Variants in HDAC8 observed in about 807,000 individuals in gnomAD.
The protein encoded by HDAC8 is histone deacetylase-like 1.
A neutral mutation model predicts 32.2 loss-of-function variants in HDAC8; 1 was observed. The ratio of observed to expected loss-of-function variants is 0.03; its 90% CI spans 0.01 to 0.15. The LOEUF (loss-of-function observed/expected upper bound fraction) is 0.15. Among genes scored for constraint, HDAC8 ranks in the 10% least tolerant of loss-of-function variants. The pLI is 1.00. For missense variants in HDAC8, 117 were observed against 300.0 expected (o/e 0.39, Z 4.51); for synonymous variants, 108 against 113.9 (o/e 0.95, Z 0.33).
chrX:72,375,869 G>A (rs897244130), intron 9 of HDAC8, among the ~76,000 whole-genome samples: 1 of 111,832 alleles, frequency 8.9e-6, no homozygotes, highest in Non-Finnish European at 1.9e-5. Context: ...CAGTAGAATT[G>A]ACTAGTGAAA....
Position 72,329,940 on chromosome X carries a change from A to C in HDAC8, c.*114T>G, listed in dbSNP as rs1339939462. On this transcript the variant is annotated 3_prime_UTR_variant, in exon 11 of 11. Transcript: ENST00000373573. ...GCCCCTTGGAAATTTTCAGGAAGTA[A>C]TTTCTTTCAAATTTTCCCTGCAGTC... 1.1e-6 allele frequency: 1 copy of C among 910,701 alleles called. No homozygotes were observed. The highest frequency in any genetic ancestry group is 1.6e-6 in the Non-Finnish European group (1 of 637,161). The allele number at this position is 910,701 out of a possible 1,213,427, so 75.1% of individuals were successfully genotyped here. A position where few individuals can be genotyped will look rare whatever the true frequency, so the allele number is the denominator to read the frequency against.
intron 9 of HDAC8, among the ~76,000 whole-genome samples, chrX:72,424,626 A>AAC (rs782636838): frequency 8.9e-6 from 1 of 111,945 alleles, no homozygotes; most frequent in Non-Finnish European, 1.9e-5. Flanking sequence ...GTATTTTCAT[A>AAC]ACACTGCACA....
intron 9 of HDAC8, among the ~76,000 whole-genome samples, chrX:72,356,838 C>T (rs1387421495): frequency 8.9e-6 from 1 of 111,827 alleles, no homozygotes; most frequent in East Asian, 2.8e-4. Context: ...CCTGCCTTGG[C>T]CTCCCAGAGT....
At chrX:72,334,489 C>A (rs2043623441) in intron 10 of HDAC8, among the ~76,000 whole-genome samples, 1 of 111,417 alleles carries the variant, frequency 9.0e-6, no homozygotes, top group Admixed American at 9.5e-5. Flanking sequence ...GAGGAAGGTA[C>A]CTGCTGGCAA....
chrX:72,401,400 A>T (rs1217725376), intron 9 of HDAC8, among the ~76,000 whole-genome samples: 1 of 110,990 alleles, frequency 9.0e-6, no homozygotes, highest in Admixed American at 9.5e-5. Flanking sequence ...ATGCCCAGCT[A>T]ATTTTTTTTG....
At chrX:72,487,138 T>C (rs2048701521) in intron 7 of HDAC8, among the ~76,000 whole-genome samples, 1 of 111,548 alleles carries the variant, frequency 9.0e-6, no homozygotes, top group African/African-American at 3.3e-5. Context: ...ATCAATCTAT[T>C]GGGATGTGGG....
At chrX:72,360,628 T>C (rs916253454) in intron 9 of HDAC8, among the ~76,000 whole-genome samples, 26 of 111,497 alleles carry the variant, frequency 2.3e-4, no homozygotes, top group African/African-American at 7.8e-4. Flanking sequence ...TGAAAAGAAC[T>C]CATCATGACC....
intron 4 of HDAC8, among the ~76,000 whole-genome samples, chrX:72,519,587 A>T (rs919826536): frequency 3.6e-5 from 4 of 111,454 alleles, no homozygotes; most frequent in African/African-American, 1.3e-4. Flanking sequence ...CTATTAGGCC[A>T]TTTATAAATT....
At chrX:72,412,765 C>T (rs1361117439) in intron 9 of HDAC8, among the ~76,000 whole-genome samples, 4 of 112,112 alleles carry the variant, frequency 3.6e-5, no homozygotes, top group South Asian at 3.7e-4. Flanking sequence ...TATCAAGAAA[C>T]GACCTCACTA....
chrX:72,459,120 T>C lies in HDAC8; in HGVS notation c.1005+2884A>G, dbSNP rs899863281. Among the ~76,000 whole-genome samples the C allele has an allele frequency of 4.5e-5, 5 of 111,699 alleles. No individual in the cohort carries two copies. In the East Asian group the frequency reaches 1.4e-3, roughly 31 times the overall value. On this transcript the variant is annotated intron_variant, in intron 9 of 10. Transcript: ENST00000373573. ...CAAAGTCTTGTTGAAACATATCCCC[T>C]ATGGTCCTCATCTGTCCTGGATGTG...
intron 7 of HDAC8, among the ~76,000 whole-genome samples, chrX:72,483,943 G>C (rs1002109777): frequency 3.6e-5 from 4 of 112,071 alleles, no homozygotes; most frequent in Admixed American, 1.9e-4. Flanking sequence ...TTGTCCTAGA[G>C]AGCAAATCCT....
At chrX:72,447,787 A>T (rs1345988940) in intron 9 of HDAC8, among the ~76,000 whole-genome samples, 1 of 111,965 alleles carries the variant, frequency 8.9e-6, no homozygotes, top group Non-Finnish European at 1.9e-5. Flanking sequence ...ATTCCTATAC[A>T]TCAACAACAG....
chrX:72,429,019 C>T (rs782206524), intron 9 of HDAC8, among the ~76,000 whole-genome samples: 1,505 of 86,351 alleles, frequency 0.017, 37 homozygotes, highest in African/African-American at 0.061. Flanking sequence ...TTCTTTCTTT[C>T]TTTCTTTTTT....
chrX:72,539,398 ATTT>A, intron 4 of HDAC8, among the ~76,000 whole-genome samples: 1 of 97,501 alleles, frequency 1.0e-5, no homozygotes, highest in East Asian at 3.2e-4. Context: ...TGCCCAGCTA[ATTT>A]TTTTTTTTTT....
intron 9 of HDAC8, among the ~76,000 whole-genome samples, chrX:72,389,578 G>T (rs911837512): frequency 8.9e-6 from 1 of 111,787 alleles, no homozygotes; most frequent in South Asian, 3.7e-4. Context: ...GCCATTTTAG[G>T]GATGAAGAAA....
intron 4 of HDAC8, among the ~76,000 whole-genome samples, chrX:72,518,613 C>T (rs781971689): frequency 5.0e-4 from 56 of 111,575 alleles, no homozygotes; most frequent in Non-Finnish European, 8.3e-4. Flanking sequence ...AGAGGGTTCA[C>T]TCTTAGTGTT....
At chrX:72,462,867 C>T (rs1310075410) in intron 8 of HDAC8, among the ~76,000 whole-genome samples, 2 of 111,711 alleles carry the variant, frequency 1.8e-5, no homozygotes, top group Non-Finnish European at 3.8e-5. Flanking sequence ...CTCAACGCAG[C>T]CTAAGGGAAA....
intron 10 of HDAC8, among the ~76,000 whole-genome samples, chrX:72,347,488 C>T (rs782418354): frequency 8.9e-6 from 1 of 111,826 alleles, no homozygotes; most frequent in Admixed American, 9.5e-5. Flanking sequence ...AAATGCACAA[C>T]TCCCCCACTC....
chrX:72,384,696 T>C (rs373557122), intron 9 of HDAC8, among the ~76,000 whole-genome samples: 1 of 112,287 alleles, frequency 8.9e-6, no homozygotes, highest in South Asian at 3.7e-4. Context: ...AAAGTTTGAG[T>C]AAGTAATATA....
Sources: gnomAD v4.1 joint callset for allele counts (sites outside exome capture counted in the v4.1 genomes callset) on GRCh38, gnomAD v4.1.1 for gene constraint, MANE v1.5 for transcripts, NCBI Gene and HGNC (gene_info 2026-07-23, HGNC 2026-07-21) for gene names.